The following NVL variants were observed in gnomAD, a reference collection of about 807,000 sequenced individuals.
The protein encoded by NVL is nuclear VCP like, also known as nuclear valosin-containing protein-like.
In NVL, 84 loss-of-function variants were observed where a neutral mutation model predicts 110.2. That is an observed-to-expected ratio of 0.76 (90% CI 0.64 to 0.91). The LOEUF is 0.91. Ranked by LOEUF, NVL falls within the 40% of genes least tolerant of loss-of-function variation. NVL has a pLI of 0.00. For missense variants in NVL, 882 were observed against 1,035.9 expected, an observed-to-expected ratio of 0.85 and a Z score of 2.04; for synonymous variants, 354 against 361.1, an observed-to-expected ratio of 0.98 and a Z score of 0.22.
intron 18 of NVL, among the ~76,000 whole-genome samples, chr1:224,266,673 C>T (rs1664533344): frequency 6.6e-6 from 1 of 152,196 alleles, no homozygotes; most frequent in South Asian, 2.1e-4. Flanking sequence ...GAGAAAAGAT[C>T]TGTATCTGCT....
rs755620803 is a variant in NVL at position 224,317,729 on chromosome 1, CA to C, written c.248del (p.Leu83TrpfsTer37). 6.2e-7 allele frequency: 1 copy of C among 1,608,652 alleles called. No homozygotes were observed. Among genetic ancestry groups the C allele is most frequent in the Non-Finnish European group, 8.5e-7 (1 of 1,175,516 alleles). On this transcript the variant is annotated frameshift_variant, in exon 4 of 23. Coordinates refer to ENST00000281701, the MANE Select transcript of NVL (RefSeq NM_002533.4). LOFTEE classifies it high-confidence loss of function. ...CTTCACCTTGTCTTGCCCTTTTTGCCAAATGTTCATCTTCTAATTCTGTTAA... is the reference window on the plus strand; with the variant it reads ...CTTCACCTTGTCTTGCCCTTTTTGCCAATGTTCATCTTCTAATTCTGTTAA... ...KNLTELEDEHLAKRARQGEED... is the reference protein window; with the variant it reads ...KNLTELEDEHXAKRARQGEED...
At chr1:224,295,155 G>T (rs1029753539) in intron 11 of NVL, among the ~76,000 whole-genome samples, 2 of 151,894 alleles carry the variant, frequency 1.3e-5, no homozygotes, top group African/African-American at 4.8e-5. Flanking sequence ...CAAGAAGGTA[G>T]TAAGATGCTA....
chr1:224,304,662 A>G, intron 8 of NVL, 74 bp downstream of exon 8: 1 of 1,303,726 alleles, frequency 7.7e-7, no homozygotes, highest in Non-Finnish European at 1.1e-6. Context: ...TATTAGAAAC[A>G]AAGAGGTAGG....
At chr1:224,305,729 G>C (rs1168109706) in intron 6 of NVL, among the ~76,000 whole-genome samples, 1 of 152,196 alleles carries the variant, frequency 6.6e-6, no homozygotes, top group Non-Finnish European at 1.5e-5. Flanking sequence ...TATCAGTAGA[G>C]ATGGGGTTTT....
At chr1:224,304,530 T>C (rs1668729523) in intron 8 of NVL, among the ~76,000 whole-genome samples, 1 of 152,106 alleles carries the variant, frequency 6.6e-6, no homozygotes, top group South Asian at 2.1e-4. Flanking sequence ...TTATATATAC[T>C]ATAATTAAAA....
chr1:224,228,172 C>G (rs1659401459), intron 22 of NVL: 1 of 152,122 alleles, frequency 6.6e-6, no homozygotes, highest in African/African-American at 2.4e-5. Context: ...ACAGGGGACT[C>G]CATGACATTC....
chr1:224,304,638 C>G (rs1449106628), intron 8 of NVL, 98 bp downstream of exon 8: 1 of 1,061,592 alleles, frequency 9.4e-7, no homozygotes, highest in Non-Finnish European at 1.4e-6. Flanking sequence ...GTTTCCTTTT[C>G]TACACCCAGA....
At chr1:224,253,625 C>T (rs1377999147) in intron 18 of NVL, among the ~76,000 whole-genome samples, 5 of 148,324 alleles carry the variant, frequency 3.4e-5, no homozygotes, top group African/African-American at 9.9e-5. Flanking sequence ...CTCAGCTATT[C>T]AGGAGGCTGA....
In NVL at chr1:224,300,620, A is replaced by G. The variant is rs1256903011; in HGVS notation, c.1004T>C (p.Val335Ala). 1 of 1,613,924 alleles carries G rather than the reference A, an allele frequency of 6.2e-7. No homozygotes were observed. The highest frequency in any genetic ancestry group is 1.3e-5 in the African/African-American group (1 of 74,928). The stretch of plus-strand genomic sequence containing the variant: ...CTCAGACTCTCCGGATACTCCAGAC[A>G]CAATCTCTGGAGCAGCCACTTTCAA... The part of the protein sequence containing the change: ...PILKVAAPEI[V>A]SGVSGESEQK... Residue 335 changes from valine (V) to alanine (A), a missense_variant, in exon 10 of 23, where the codon GTG becomes GCG. Physicochemically the swap from Val to Ala is moderately conservative, Grantham distance 64. Around this residue, in one of 4 missense-constraint regions of NVL, gnomAD observed 416 missense variants for 499.3 expected, o/e 0.83. Transcript: ENST00000281701.
At chr1:224,241,571 A>G (rs889873902) in intron 19 of NVL, among the ~76,000 whole-genome samples, 10 of 151,970 alleles carry the variant, frequency 6.6e-5, no homozygotes, top group African/African-American at 2.2e-4. Flanking sequence ...TAAGGAAATT[A>G]TAGGCCAGGC....
chr1:224,276,107 C>T (rs965763626), intron 16 of NVL, among the ~76,000 whole-genome samples: 1 of 152,168 alleles, frequency 6.6e-6, no homozygotes, highest in African/African-American at 2.4e-5. Flanking sequence ...AGGATTATTT[C>T]ACTTTTAGCT....
At chr1:224,314,970 T>C (rs2102755306) in intron 4 of NVL, among the ~76,000 whole-genome samples, 1 of 151,930 alleles carries the variant, frequency 6.6e-6, no homozygotes, top group African/African-American at 2.4e-5. Flanking sequence ...GAGATCACGC[T>C]ATTGCACTCC....
intron 16 of NVL, among the ~76,000 whole-genome samples, chr1:224,278,640 C>T (rs1666015507): frequency 6.6e-6 from 1 of 152,140 alleles, no homozygotes; most frequent in African/African-American, 2.4e-5. Flanking sequence ...TCATATTTAC[C>T]AGACTGGCAA....
At chr1:224,276,538 T>G (rs1393579944) in intron 16 of NVL, among the ~76,000 whole-genome samples, 2 of 152,152 alleles carry the variant, frequency 1.3e-5, no homozygotes, top group Non-Finnish European at 2.9e-5. Context: ...GCCCCCGGCC[T>G]ACAGTGCCAA....
rs932286844 is a variant in NVL, at chr1:224,287,932, A to T, written c.1637T>A (p.Met546Lys). ...ATTCAGTTCAATGCACAGTCCTTGC[A>T]TCTGCTCCTCTGAGAGGGGATCTTG... is the stretch of plus-strand genomic sequence containing the variant. Reference protein sequence around the residue: ...RDQDPLSEEQMQGLCIELNDF... With the variant: ...RDQDPLSEEQKQGLCIELNDF... Residue 546 changes from methionine to lysine, a missense_variant, in exon 14 of 23, where the codon ATG becomes AAG. Physicochemically the swap from Met to Lys is moderately conservative, Grantham distance 95. Around this residue, in one of 4 missense-constraint regions of NVL, gnomAD observed 416 missense variants for 499.3 expected, o/e 0.83. Coordinates refer to ENST00000281701, the MANE Select transcript of NVL (RefSeq NM_002533.4). 1.1e-5 allele frequency: 18 copies of T among 1,613,898 alleles called. No individual in the cohort carries two copies. Among genetic ancestry groups the T allele is most frequent in the Non-Finnish European group, 1.5e-5 (18 of 1,180,024 alleles).
At chr1:224,277,661 C>G (rs1665903241) in intron 16 of NVL, among the ~76,000 whole-genome samples, 1 of 152,174 alleles carries the variant, frequency 6.6e-6, no homozygotes, top group Admixed American at 6.5e-5. Context: ...TGCAACATTT[C>G]AAGTAAAGAT....
chr1:224,289,394 A>G, intron 13 of NVL, 90 bp downstream of exon 13: 1 of 1,351,804 alleles, frequency 7.4e-7, no homozygotes, highest in Non-Finnish European at 1.0e-6. Context: ...ACAGAAAGTA[A>G]TGAACCTCAA....
chr1:224,286,489 A>T (rs1666887670), intron 14 of NVL, among the ~76,000 whole-genome samples: 1 of 152,196 alleles, frequency 6.6e-6, no homozygotes, highest in South Asian at 2.1e-4. Context: ...TACAGGCATG[A>T]GCCACTGCGC....
intron 18 of NVL, among the ~76,000 whole-genome samples, chr1:224,267,699 A>AG: frequency 6.6e-6 from 1 of 152,022 alleles, no homozygotes; most frequent in East Asian, 1.9e-4. Context: ...AAAAAAAAAA[A>AG]AAAAAAAGTG....
Sources: allele counts gnomAD v4.1 joint callset (sites outside exome capture counted in the v4.1 genomes callset), GRCh38; gene constraint gnomAD v4.1.1; regional missense constraint gnomAD v4.1.1; transcripts MANE v1.5; gene names NCBI Gene and HGNC (gene_info 2026-07-23, HGNC 2026-07-21).